ATRNL1: variants seen among roughly 807,000 people sequenced by gnomAD.
ATRNL1 encodes the protein attractin-like protein 1.
Under a neutral mutation model 182.7 loss-of-function variants are expected in ATRNL1, and 95 were observed. The observed-to-expected ratio is 0.52, with a 90% CI of 0.44 to 0.62. The LOEUF is 0.62. Ranked by LOEUF, ATRNL1 falls within the 20% of genes least tolerant of loss-of-function variation. The probability of loss-of-function intolerance (pLI) is 0.00; values close to 1 mark genes in which losing one functional copy is unlikely to be tolerated. For synonymous variants in ATRNL1, 576 were observed against 568.3 expected, an observed-to-expected ratio of 1.01 and a Z score of -0.19; for missense variants, 1,471 against 1,679.5, an observed-to-expected ratio of 0.88 and a Z score of 2.17.
At chr10:115,418,682 G>C (rs1845514946) in intron 20 of ATRNL1, among the ~76,000 whole-genome samples, 1 of 152,114 alleles carries the variant, frequency 6.6e-6, no homozygotes, top group African/African-American at 2.4e-5. Flanking sequence ...CTAAGAGAGG[G>C]TCTAGAAAGA....
intron 26 of ATRNL1, among the ~76,000 whole-genome samples, chr10:115,645,506 A>C (rs1235449566): frequency 6.8e-6 from 1 of 147,678 alleles, no homozygotes; most frequent in Non-Finnish European, 1.5e-5. Context: ...ATATATATAT[A>C]AATATAAAAA....
At chr10:115,606,994 T>C (rs1194801782) in intron 26 of ATRNL1, among the ~76,000 whole-genome samples, 4 of 151,968 alleles carry the variant, frequency 2.6e-5, no homozygotes, top group African/African-American at 9.7e-5. Flanking sequence ...GACATTGTCT[T>C]CTTGCACTGC....
At chr10:115,593,447 T>C (rs1856034819) in intron 26 of ATRNL1, among the ~76,000 whole-genome samples, 1 of 152,194 alleles carries the variant, frequency 6.6e-6, no homozygotes, top group Non-Finnish European at 1.5e-5. Context: ...TGCACATTTA[T>C]GGCTAACTGA....
At chr10:115,547,110 G>A (rs1253977417) in intron 25 of ATRNL1, among the ~76,000 whole-genome samples, 2 of 151,718 alleles carry the variant, frequency 1.3e-5, no homozygotes, top group African/African-American at 4.8e-5. Flanking sequence ...AAAAAAATTA[G>A]CTGAGGTGGT....
At chr10:115,529,088 G>C (rs1565134628) in intron 25 of ATRNL1, among the ~76,000 whole-genome samples, 1 of 151,772 alleles carries the variant, frequency 6.6e-6, no homozygotes, top group Non-Finnish European at 1.5e-5. Flanking sequence ...GTATTCTGTT[G>C]TTTTTAGGTA....
chr10:115,699,756 G>A (rs1332300851), intron 26 of ATRNL1, among the ~76,000 whole-genome samples: 1 of 152,098 alleles, frequency 6.6e-6, no homozygotes, highest in Non-Finnish European at 1.5e-5. Flanking sequence ...TACATTACGT[G>A]ACTGAGGTTT....
chr10:115,588,316 C>G (rs1417402237), intron 26 of ATRNL1, among the ~76,000 whole-genome samples: 1 of 152,114 alleles, frequency 6.6e-6, no homozygotes, highest in East Asian at 1.9e-4. Flanking sequence ...TTCTGATGGT[C>G]TCAACCTGTG....
Position 115,945,746 on chromosome 10 carries a change from A to G in ATRNL1, c.*967A>G, listed in dbSNP as rs1555125520. Reference sequence around the variant, plus strand: ...ACCTTTTACAAATGTTACAAAATGTATTTTAGAGGCGACATCTCTCAAGAT... The same window carrying G: ...ACCTTTTACAAATGTTACAAAATGTGTTTTAGAGGCGACATCTCTCAAGAT... On this transcript the variant is annotated 3_prime_UTR_variant, in exon 29 of 29. Transcript: ENST00000355044. The G allele has an allele frequency of 1.3e-5, 2 of 152,148 alleles. No homozygotes were observed. Among genetic ancestry groups the G allele is most frequent in the Non-Finnish European group, 2.9e-5 (2 of 68,030 alleles). The allele number at this position is 152,148 out of a possible 1,614,324, so 9.4% of individuals were successfully genotyped here.
intron 8 of ATRNL1, among the ~76,000 whole-genome samples, chr10:115,203,653 C>T (rs1288961924): frequency 2.0e-5 from 3 of 147,160 alleles, no homozygotes; most frequent in Non-Finnish European, 3.0e-5. Flanking sequence ...GCTCTTGGCT[C>T]ACTGCAACCT....
At chr10:115,575,240 G>C (rs969419914) in intron 26 of ATRNL1, among the ~76,000 whole-genome samples, 2 of 152,026 alleles carry the variant, frequency 1.3e-5, no homozygotes, top group Non-Finnish European at 2.9e-5. Flanking sequence ...ATGGACCATC[G>C]ACTTTCAAGT....
chr10:115,223,913 G>GTGTGTGTATATATA (rs71476115), intron 9 of ATRNL1, among the ~76,000 whole-genome samples: 12 of 55,938 alleles, frequency 2.1e-4, no homozygotes, highest in African/African-American at 5.0e-4. Flanking sequence ...GTGTGTGTGT[G>GTGTGTGTATATATA]TATATATATA....
At chr10:115,632,712 T>A (rs782279535) in intron 26 of ATRNL1, among the ~76,000 whole-genome samples, 35 of 152,072 alleles carry the variant, frequency 2.3e-4, no homozygotes, top group Non-Finnish European at 4.4e-4. Context: ...TTGTTATTCA[T>A]CATACTGGGA....
At chr10:115,634,219 T>C (rs550415860) in intron 26 of ATRNL1, among the ~76,000 whole-genome samples, 6 of 152,276 alleles carry the variant, frequency 3.9e-5, no homozygotes, top group Non-Finnish European at 2.9e-5. Flanking sequence ...TTATGCACTT[T>C]TATATCTTTG....
chr10:115,616,632 G>T (rs894341316), intron 26 of ATRNL1, among the ~76,000 whole-genome samples: 1 of 152,190 alleles, frequency 6.6e-6, no homozygotes, highest in Non-Finnish European at 1.5e-5. Flanking sequence ...TTATAGCCTT[G>T]TGCAACCTTG....
intron 13 of ATRNL1, among the ~76,000 whole-genome samples, chr10:115,273,909 A>G (rs1554914070): frequency 1.3e-5 from 2 of 152,200 alleles, no homozygotes; most frequent in East Asian, 3.9e-4. Context: ...GCCGCTGTGC[A>G]TACCCAACCT....
chr10:115,845,109 A>G (rs1271052295), intron 27 of ATRNL1, among the ~76,000 whole-genome samples: 4 of 152,116 alleles, frequency 2.6e-5, no homozygotes, highest in African/African-American at 7.2e-5. Context: ...AGAAGTATCA[A>G]AGAGCTGTGC....
chr10:115,145,041 T>C (rs1159900098), intron 5 of ATRNL1, among the ~76,000 whole-genome samples: 1 of 152,200 alleles, frequency 6.6e-6, no homozygotes, highest in African/African-American at 2.4e-5. Context: ...AATTTTGACA[T>C]ACATGCTTTC....
At chr10:115,603,144 T>C (rs1319180330) in intron 26 of ATRNL1, among the ~76,000 whole-genome samples, 2 of 152,130 alleles carry the variant, frequency 1.3e-5, no homozygotes, top group Admixed American at 1.3e-4. Context: ...TAATGGACGT[T>C]TCATTTCATA....
At chr10:115,536,338 G>A (rs987566583) in intron 25 of ATRNL1, among the ~76,000 whole-genome samples, 3 of 152,186 alleles carry the variant, frequency 2.0e-5, no homozygotes, top group African/African-American at 7.2e-5. Context: ...CCCCAGCCTC[G>A]CTGTTGCCTA....
Sources: gnomAD v4.1 joint callset for allele counts (sites outside exome capture counted in the v4.1 genomes callset) on GRCh38, gnomAD v4.1.1 for gene constraint, MANE v1.5 for transcripts, NCBI Gene and HGNC (gene_info 2026-07-23, HGNC 2026-07-21) for gene names.